Variants in USP3 observed in about 807,000 individuals in gnomAD.
The protein encoded by USP3 is ubiquitin carboxyl-terminal hydrolase 3.
Under a neutral mutation model 72.3 loss-of-function variants are expected in USP3, and 20 were observed. That is an observed-to-expected ratio of 0.28 (90% CI 0.19 to 0.40). USP3 has a LOEUF of 0.40. Among genes scored for constraint, USP3 ranks in the 10% least tolerant of loss-of-function variants. The pLI, the probability that USP3 is intolerant of heterozygous loss-of-function variation, is 1.00. For missense variants in USP3, 479 were observed against 633.9 expected (o/e 0.76, Z 2.62); for synonymous variants, 222 against 225.3 (o/e 0.99, Z 0.13).
Position 63,504,634 on chromosome 15 carries a change from C to A in USP3, c.-106C>A, listed in dbSNP as rs1427857180. 1.0e-5 allele frequency: 10 copies of A among 993,450 alleles called. No homozygotes were observed. The highest frequency in any genetic ancestry group is 1.4e-5 in the Non-Finnish European group (10 of 717,510). The allele number at this position is 993,450 out of a possible 1,614,324, so 61.5% of individuals were successfully genotyped here. A position where few individuals can be genotyped will look rare whatever the true frequency, so the allele number is the denominator to read the frequency against. On this transcript the variant is annotated 5_prime_UTR_variant, in exon 1 of 15. Coordinates refer to ENST00000380324, the MANE Select transcript of USP3 (RefSeq NM_006537.4). Reference sequence around the variant, plus strand: ...GGCTCGAGACGCAGCCGCCGTCGGCCGAGCGCCCGGCTAGAAGCGACACCA... The same window carrying A: ...GGCTCGAGACGCAGCCGCCGTCGGCAGAGCGCCCGGCTAGAAGCGACACCA...
intron 8 of USP3, among the ~76,000 whole-genome samples, chr15:63,563,652 C>T (rs1056471338): frequency 3.9e-5 from 6 of 152,132 alleles, no homozygotes; most frequent in Non-Finnish European, 7.4e-5. Context: ...CTTTGAGGCA[C>T]TACAGGTGTT....
intron 2 of USP3, among the ~76,000 whole-genome samples, chr15:63,534,511 A>G (rs1226211348): frequency 4.6e-5 from 7 of 152,302 alleles, no homozygotes; most frequent in Middle Eastern, 3.4e-3. Flanking sequence ...CTGTAGACCA[A>G]AATGTCTAGT....
chr15:63,542,118 T>C (rs963091570), intron 3 of USP3: 1 of 985,004 alleles, frequency 1.0e-6, no homozygotes, highest in Non-Finnish European at 1.2e-6. Flanking sequence ...GATGTGGAAG[T>C]CATGACTTGA....
chr15:63,588,846 A>C lies in USP3; in HGVS notation c.1329+31A>C. The stretch of plus-strand genomic sequence containing the variant: ...GTGGTTACCTTTTTAGCATGGTGAA[A>C]AAATGGCTCTTCAGTAAGATTGTCA... On this transcript the variant is annotated intron_variant, in intron 13 of 14. Coordinates refer to ENST00000380324, the MANE Select transcript of USP3 (RefSeq NM_006537.4). The surrounding 1 kb of genome is among the most constrained non-coding windows in gnomAD (Gnocchi z 4.6). 1 of 1,611,390 alleles carries C rather than the reference A, an allele frequency of 6.2e-7. No individual in the cohort carries two copies. Among genetic ancestry groups the C allele is most frequent in the East Asian group, 2.2e-5 (1 of 44,872 alleles).
Position 63,585,075 on chromosome 15 carries a change from T to C in USP3, c.1097-3230T>C, listed in dbSNP as rs531088207. Among the ~76,000 whole-genome samples the C allele has an allele frequency of 4.6e-5, 7 of 152,326 alleles. No homozygotes were observed. The East Asian group carries it at 1.3e-3, about 29-fold the overall frequency. ...GTTGACTATATAGTAAGAGTTTTTT[T>C]CATTGGTCTGTATGTCTGTCCTTAT... On this transcript the variant is annotated intron_variant, in intron 11 of 14. Transcript: ENST00000380324.
At chr15:63,559,598 A>G (rs1435108601) in intron 6 of USP3, among the ~76,000 whole-genome samples, 1 of 152,160 alleles carries the variant, frequency 6.6e-6, no homozygotes, top group Admixed American at 6.5e-5. Context: ...AGAATTGGGG[A>G]TTTTTTTGAA....
rs2067187362 is a variant in USP3 at position 63,590,957 on chromosome 15, G to A, written c.*131G>A. Reference sequence around the variant, plus strand: ...TATTTTGGATTTAGTTTTGTCAATGGTAGTGACTTACTGAACATGGGCACC... The same window carrying A: ...TATTTTGGATTTAGTTTTGTCAATGATAGTGACTTACTGAACATGGGCACC... On this transcript the variant is annotated 3_prime_UTR_variant, in exon 15 of 15. Transcript: ENST00000380324. 2 of 1,182,480 alleles carry A rather than the reference G, an allele frequency of 1.7e-6. No homozygotes were observed. The highest frequency in any genetic ancestry group is 2.2e-6 in the Non-Finnish European group (2 of 893,206). The allele number at this position is 1,182,480 out of a possible 1,614,324, so 73.2% of individuals were successfully genotyped here. A position where few individuals can be genotyped will look rare whatever the true frequency, so the allele number is the denominator to read the frequency against.
rs1215326771 is a variant in USP3, at chr15:63,590,868, C to G, written c.*42C>G. ...TCATTCACCAACCATACCAGAGAAA[C>G]ATTTCCAGTTTTCCACAAATACTTG... On this transcript the variant is annotated 3_prime_UTR_variant, in exon 15 of 15. Coordinates refer to ENST00000380324, the MANE Select transcript of USP3 (RefSeq NM_006537.4). 10 of 1,546,540 alleles carry G rather than the reference C, an allele frequency of 6.5e-6. No individual in the cohort carries two copies. Among genetic ancestry groups the G allele is most frequent in the Non-Finnish European group, 8.7e-6 (10 of 1,145,696 alleles).
chr15:63,543,893 T>C (rs2066281849), intron 3 of USP3, among the ~76,000 whole-genome samples: 1 of 152,012 alleles, frequency 6.6e-6, no homozygotes, highest in Non-Finnish European at 1.5e-5. Context: ...ATGTCAAACC[T>C]TTACCTTATG....
intron 3 of USP3, among the ~76,000 whole-genome samples, chr15:63,549,783 A>G (rs908054912): frequency 3.3e-5 from 5 of 152,176 alleles, no homozygotes; most frequent in African/African-American, 1.2e-4. Flanking sequence ...GATTTCTAAA[A>G]ATCTATTCCT....
chr15:63,527,418 G>C (rs1049184845), intron 1 of USP3, among the ~76,000 whole-genome samples: 2 of 152,206 alleles, frequency 1.3e-5, no homozygotes, highest in Non-Finnish European at 2.9e-5. Flanking sequence ...AATAATGGAT[G>C]CACTATAAAT....
intron 11 of USP3, among the ~76,000 whole-genome samples, chr15:63,585,215 C>A (rs1272090466): frequency 6.6e-6 from 1 of 151,994 alleles, no homozygotes; most frequent in African/African-American, 2.4e-5. Flanking sequence ...TTCAGGATTC[C>A]TTGAGAGTCC....
At chr15:63,540,301 T>G (rs1290912773) in intron 3 of USP3, among the ~76,000 whole-genome samples, 1 of 152,224 alleles carries the variant, frequency 6.6e-6, no homozygotes, top group Non-Finnish European at 1.5e-5. Context: ...TGTAGCTGAA[T>G]GTAATCTTTC....
intron 14 of USP3, among the ~76,000 whole-genome samples, chr15:63,589,468 A>T (rs2067142642): frequency 6.6e-6 from 1 of 152,208 alleles, no homozygotes; most frequent in Admixed American, 6.5e-5. Context: ...TTTACCTTCA[A>T]ACTTAAGACT....
rs756371580 is a variant in USP3 at position 63,556,647 on chromosome 15, A to G, written c.369-20A>G. On this transcript the variant is annotated intron_variant, in intron 4 of 14. Coordinates refer to ENST00000380324, the MANE Select transcript of USP3 (RefSeq NM_006537.4). The stretch of plus-strand genomic sequence containing the variant: ...TGCATATATTAATAACTTTTTCACT[A>G]TCTGTTTGTGTTTTAATAGCTCAGC... The G allele has an allele frequency of 4.4e-6, 7 of 1,582,950 alleles. No individual in the cohort carries two copies. The South Asian group carries it at 8.0e-5, about 18-fold the overall frequency.
intron 1 of USP3, among the ~76,000 whole-genome samples, chr15:63,525,014 G>A (rs2152655123): frequency 6.6e-6 from 1 of 152,294 alleles, no homozygotes; most frequent in South Asian, 2.1e-4. Context: ...TACAAGAAAT[G>A]CTGAACTGAC....
chr15:63,549,254 A>G (rs2066401552), intron 3 of USP3, among the ~76,000 whole-genome samples: 1 of 152,372 alleles, frequency 6.6e-6, no homozygotes, highest in African/African-American at 2.4e-5. Context: ...ATTCATAAAA[A>G]TTGCAGTTAA....
At chr15:63,537,261 C>G (rs1026054166) in intron 3 of USP3, 105 bp downstream of exon 3, 1 of 1,293,268 alleles carries the variant, frequency 7.7e-7, no homozygotes, top group African/African-American at 1.5e-5. Flanking sequence ...CTGTTACCTC[C>G]TTTTACAACT....
chr15:63,530,120 G>C (rs946619399), intron 1 of USP3, among the ~76,000 whole-genome samples: 1 of 152,168 alleles, frequency 6.6e-6, no homozygotes, highest in African/African-American at 2.4e-5. Flanking sequence ...CTGGGCGACA[G>C]AGTGAGACCC....
Sources: allele counts gnomAD v4.1 joint callset (sites outside exome capture counted in the v4.1 genomes callset), GRCh38; gene constraint gnomAD v4.1.1; non-coding constraint Gnocchi (gnomAD v3.1); transcripts MANE v1.5; gene names NCBI Gene and HGNC (gene_info 2026-07-23, HGNC 2026-07-21).